Variants in IL16 observed in about 807,000 individuals in gnomAD.
The protein encoded by IL16 is pro-interleukin-16.
Under a neutral mutation model 110.1 loss-of-function variants are expected in IL16, and 67 were observed. That is an observed-to-expected ratio of 0.61 (90% confidence interval 0.50 to 0.75). The LOEUF (loss-of-function observed/expected upper bound fraction) is 0.75, where lower values mean the gene tolerates loss of function less well. Among genes scored for constraint, IL16 ranks in the 30% least tolerant of loss-of-function variants. IL16 has a pLI of 0.00. For synonymous variants in IL16, 689 were observed against 662.9 expected (o/e 1.04, Z -0.61); for missense variants, 1,545 against 1,655.0 (o/e 0.93, Z 1.15).
At chr15:81,265,075 T>G (rs140496280) in intron 3 of IL16, among the ~76,000 whole-genome samples, 1 of 152,140 alleles carries the variant, frequency 6.6e-6, no homozygotes, top group Non-Finnish European at 1.5e-5. Flanking sequence ...GAGTTCCCGG[T>G]TGGATGAAAG....
At chr15:81,289,535 T>C (rs1899609165) in intron 10 of IL16, among the ~76,000 whole-genome samples, 1 of 152,220 alleles carries the variant, frequency 6.6e-6, no homozygotes, top group African/African-American at 2.4e-5. Context: ...ATTAGTGATG[T>C]TGAGCATTTT....
chr15:81,183,345 C>T (rs548184048), intron 1 of IL16, among the ~76,000 whole-genome samples: 184 of 152,248 alleles, frequency 1.2e-3, no homozygotes, highest in South Asian at 3.1e-3. Context: ...TGCTCAGCTC[C>T]GGGAGAAGTG....
Position 81,313,194 on chromosome 15 carries a change from TC to T in IL16, c.*4399del, listed in dbSNP as rs1900955631. 5.5e-6 allele frequency: 8 copies of T among 1,459,134 alleles called. No homozygotes were observed. The highest frequency in any genetic ancestry group is 9.1e-7 in the Non-Finnish European group (1 of 1,099,658). The allele number at this position is 1,459,134 out of a possible 1,614,324, so 90.4% of individuals were successfully genotyped here. A position where few individuals can be genotyped will look rare whatever the true frequency, so the allele number is the denominator to read the frequency against. ...CTGCGTGCTCCCAGGCTCCTTGGTG[TC>T]CCAACAGCTGGAGCTCCTCGATGAG... On this transcript the variant is annotated 3_prime_UTR_variant, in exon 19 of 19. Transcript: ENST00000683961.
At position 81,254,325 on chromosome 15, in the gene IL16, C is replaced by A. The variant is rs532209826; in HGVS notation, c.313-5447C>A. On this transcript the variant is annotated intron_variant, in intron 2 of 18. Coordinates refer to ENST00000683961, the MANE Select transcript of IL16 (RefSeq NM_172217.5). ...GGAGAAGTTTAGGCTTTGGAATCAC[C>A]TTGTTTGCAGGACACAATGCCCCAG... 2.3e-3 allele frequency among the ~76,000 whole-genome samples: 346 copies of A among 152,266 alleles called. 1 individual carries two copies. The highest frequency in any genetic ancestry group is 8.1e-3 in the African/African-American group (337 of 41,558).
chr15:81,247,668 A>G (rs1341432035), intron 2 of IL16, among the ~76,000 whole-genome samples: 1 of 152,040 alleles, frequency 6.6e-6, no homozygotes, highest in Non-Finnish European at 1.5e-5. Flanking sequence ...GTTCTATGCT[A>G]TTTTATCACT....
At chr15:81,257,186 G>A (rs1470946495) in intron 2 of IL16, among the ~76,000 whole-genome samples, 1 of 152,186 alleles carries the variant, frequency 6.6e-6, no homozygotes, top group African/African-American at 2.4e-5. Flanking sequence ...CTGCTGAAAA[G>A]GAGTCCTTCA....
chr15:81,222,290 A>T (rs1451731446), intron 1 of IL16, among the ~76,000 whole-genome samples: 1 of 151,812 alleles, frequency 6.6e-6, no homozygotes, highest in East Asian at 1.9e-4. Context: ...AGAGAGTTTC[A>T]AAAACCCTCT....
intron 1 of IL16, among the ~76,000 whole-genome samples, chr15:81,199,031 ATATATATATATATATATATATATATAT>A (rs1895711553): frequency 1.0e-5 from 1 of 96,794 alleles, no homozygotes; most frequent in Non-Finnish European, 2.0e-5. Flanking sequence ...AAAAAAAAAA[ATATATATATATATATATATATATATAT>A]ATAAAATACA....
chr15:81,241,367 G>A (rs947149962), intron 2 of IL16, among the ~76,000 whole-genome samples: 1 of 151,724 alleles, frequency 6.6e-6, no homozygotes, highest in Non-Finnish European at 1.5e-5. Flanking sequence ...TAAATTTGTA[G>A]ATAAATTTGG....
chr15:81,305,870 G>C, intron 16 of IL16, 38 bp from the exon 17 acceptor site: 1 of 1,606,082 alleles, frequency 6.2e-7, no homozygotes, highest in Non-Finnish European at 8.5e-7. Context: ...GACTGGACTT[G>C]TGTGATTTCT....
At chr15:81,243,891 T>C (rs1897440330) in intron 2 of IL16, among the ~76,000 whole-genome samples, 1 of 152,194 alleles carries the variant, frequency 6.6e-6, no homozygotes, top group African/African-American at 2.4e-5. Flanking sequence ...GGGTTTGTAG[T>C]GATAGCTTCT....
At chr15:81,221,623 C>T (rs1344576416) in intron 1 of IL16, among the ~76,000 whole-genome samples, 2 of 152,174 alleles carry the variant, frequency 1.3e-5, no homozygotes, top group African/African-American at 2.4e-5. Context: ...AAGGCAATCT[C>T]CCACAGAAGT....
chr15:81,245,466 G>A (rs1897504913), intron 2 of IL16, among the ~76,000 whole-genome samples: 1 of 147,776 alleles, frequency 6.8e-6, no homozygotes, highest in African/African-American at 2.6e-5. Context: ...TAAGGCTGTG[G>A]GTGAAAAGGG....
At chr15:81,286,610 A>G (rs1366853739) in intron 10 of IL16, among the ~76,000 whole-genome samples, 2 of 152,208 alleles carry the variant, frequency 1.3e-5, no homozygotes, top group Non-Finnish European at 2.9e-5. Context: ...CTGTAGAAGG[A>G]GCATGTTCAT....
intron 2 of IL16, among the ~76,000 whole-genome samples, chr15:81,229,255 T>C (rs1320356116): frequency 6.6e-6 from 1 of 152,066 alleles, no homozygotes; most frequent in Non-Finnish European, 1.5e-5. Context: ...AGGGAAATCA[T>C]GGGTACACCG....
At chr15:81,221,791 GC>G (rs1410524152) in intron 1 of IL16, among the ~76,000 whole-genome samples, 1 of 152,102 alleles carries the variant, frequency 6.6e-6, no homozygotes, top group Non-Finnish European at 1.5e-5. Context: ...CATCCCATGG[GC>G]CCTGCCATCC....
At position 81,299,730 on chromosome 15, in the gene IL16, C is replaced by A. The variant is rs376860247; in HGVS notation, c.2404C>A (p.Arg802Ser). The part of the protein sequence containing the change: ...FRQSLKGLRN[R>S]ASDPRGLPDP... ...CCAAAGCTTGAAAGGTTTGAGGAATCGTGCTTCAGACCCAAGAGGGCTCCC... is the reference window on the plus strand; with the variant it reads ...CCAAAGCTTGAAAGGTTTGAGGAATAGTGCTTCAGACCCAAGAGGGCTCCC... Residue 802 changes from arginine (R) to serine (S), a missense_variant, in exon 14 of 19, where the codon CGT becomes AGT. By Grantham distance (110) the Arg-to-Ser change is moderately radical. This residue lies in a region of IL16 where 1,185 missense variants were observed against 1,238.8 expected (regional missense o/e 0.96). Coordinates refer to ENST00000683961, the MANE Select transcript of IL16 (RefSeq NM_172217.5). 98 of 1,614,200 alleles carry A rather than the reference C, an allele frequency of 6.1e-5. 1 individual carries two copies. The South Asian group carries it at 1.1e-3, about 17-fold the overall frequency.
intron 5 of IL16, 56 bp downstream of exon 5, chr15:81,269,704 G>T: frequency 8.0e-7 from 1 of 1,248,072 alleles, no homozygotes; most frequent in Non-Finnish European, 1.2e-6. Context: ...AGTCTCCAAG[G>T]AGCTGCTGTG....
chr15:81,270,400 G>C (rs1479655620), intron 5 of IL16, among the ~76,000 whole-genome samples: 1 of 152,218 alleles, frequency 6.6e-6, no homozygotes, highest in Non-Finnish European at 1.5e-5. Flanking sequence ...TGTGGTGTGA[G>C]AGGAGGACCT....
Sources: allele counts gnomAD v4.1 joint callset (sites outside exome capture counted in the v4.1 genomes callset), GRCh38; gene constraint gnomAD v4.1.1; regional missense constraint gnomAD v4.1.1; transcripts MANE v1.5; gene names NCBI Gene and HGNC (gene_info 2026-07-23, HGNC 2026-07-21).